MYSM1: variants seen among roughly 807,000 people sequenced by gnomAD.
The protein encoded by MYSM1 is deubiquitinase MYSM1.
Under a neutral mutation model 116.0 loss-of-function variants are expected in MYSM1, and 51 were observed. That is an observed-to-expected ratio of 0.44 (90% CI 0.35 to 0.56). The LOEUF (loss-of-function observed/expected upper bound fraction) is 0.56, where lower values mean the gene tolerates loss of function less well. Ranked by LOEUF, MYSM1 falls within the 20% of genes least tolerant of loss-of-function variation. The probability of loss-of-function intolerance (pLI) is 0.00; values close to 1 mark genes in which losing one functional copy is unlikely to be tolerated. For synonymous variants in MYSM1, 313 were observed against 315.2 expected (o/e 0.99, Z 0.07); for missense variants, 900 against 974.9 (o/e 0.92, Z 1.02).
Position 58,656,498 on chromosome 1 carries a change from T to G in MYSM1, c.*3499A>C, listed in dbSNP as rs970382500. On this transcript the variant is annotated 3_prime_UTR_variant, in exon 20 of 20. Transcript: ENST00000472487. ...GTGGCACGAGTTTCAAAACTACAGA[T>G]TAGGGACTGACCAAAACAAAAATAT... 5 of 152,194 alleles carry G rather than the reference T, an allele frequency of 3.3e-5. No individual in the cohort carries two copies. The highest frequency in any genetic ancestry group is 1.2e-4 in the African/African-American group (5 of 41,434). The allele number at this position is 152,194 out of a possible 1,614,324, so 9.4% of individuals were successfully genotyped here. A position where few individuals can be genotyped will look rare whatever the true frequency, so the allele number is the denominator to read the frequency against.
intron 10 of MYSM1, among the ~76,000 whole-genome samples, chr1:58,674,128 C>T (rs1007867513): frequency 1.3e-5 from 2 of 151,956 alleles, no homozygotes; most frequent in Admixed American, 6.6e-5. Context: ...CCTCCCGGTT[C>T]GAGTGATTCT....
rs778420955 is a variant in MYSM1, at chr1:58,681,820, G to A, written c.1224C>T (p.Arg408=). 1.3e-6 allele frequency: 2 copies of A among 1,593,518 alleles called. No homozygotes were observed. Among genetic ancestry groups the A allele is most frequent in the African/African-American group, 1.4e-5 (1 of 73,390 alleles). Residue 408 remains arginine (R), a synonymous_variant, in exon 8 of 20, where the codon CGC becomes CGT. Coordinates refer to ENST00000472487, the MANE Select transcript of MYSM1 (RefSeq NM_001085487.3). ...FEGRQAKTPE[R]YLKIRNYILD... ...AAATATAATTTCTAATTTTCAAATA[G>A]CGTTCTGGTGTTTTAGCTTGGCGCC...
chr1:58,685,015 T>C (rs941793291), intron 7 of MYSM1, 138 bp downstream of exon 7: 34 of 511,140 alleles, frequency 6.7e-5, no homozygotes, highest in African/African-American at 6.3e-4. Context: ...CTCTGAGGTT[T>C]TGTATAGTAC....
intron 7 of MYSM1, 49 bp from the exon 8 acceptor site, chr1:58,682,594 T>A: frequency 6.8e-7 from 1 of 1,464,376 alleles, no homozygotes; most frequent in Non-Finnish European, 9.1e-7. Flanking sequence ...ATTTAAAAAT[T>A]TAATCACTGG....
chr1:58,695,290 GTAGTAAGGGAACTAAGCAAATACT>G, intron 1 of MYSM1, 83 bp from the exon 2 acceptor site: 2 of 833,480 alleles, frequency 2.4e-6, no homozygotes, highest in Admixed American at 4.1e-5. Flanking sequence ...AATCCAGCAG[GTAGTAAGGGAACTAAGCAAATACT>G]TAGTTCCCTT....
At chr1:58,668,852 C>A (rs1451003224) in intron 13 of MYSM1, 132 bp downstream of exon 13, 2 of 984,942 alleles carry the variant, frequency 2.0e-6, no homozygotes, top group East Asian at 5.2e-5. Context: ...AAAATTCCAG[C>A]AGGGAGAAAT....
intron 16 of MYSM1, among the ~76,000 whole-genome samples, chr1:58,666,022 A>C (rs1001130299): frequency 7.2e-4 from 109 of 151,982 alleles, no homozygotes; most frequent in Non-Finnish European, 1.3e-3. Context: ...CCACCACTGC[A>C]CTCTAGCCTG....
intron 8 of MYSM1, among the ~76,000 whole-genome samples, chr1:58,678,110 G>C (rs1644680802): frequency 6.6e-6 from 1 of 152,128 alleles, no homozygotes; most frequent in Non-Finnish European, 1.5e-5. Context: ...CTTTCAGGTA[G>C]CAATAGTGCT....
Position 58,671,928 on chromosome 1 carries a change from TTC to T in MYSM1, c.1601_1602del (p.Arg534LysfsTer10). 1 of 1,613,514 alleles carries T rather than the reference TTC, an allele frequency of 6.2e-7. No individual in the cohort carries two copies. Among genetic ancestry groups the T allele is most frequent in the Non-Finnish European group, 8.5e-7 (1 of 1,179,702 alleles). ...ACAGGTCTGCCTTTTTCCTCTTCTC[TTC>T]TTTTTGCCAACTCCTCAGCAGAGAG... ...EHLSAEELAK[R>X]REEEKGRPVK... On this transcript the variant is annotated frameshift_variant, in exon 12 of 20. Coordinates refer to ENST00000472487, the MANE Select transcript of MYSM1 (RefSeq NM_001085487.3). LOFTEE classifies it high-confidence loss of function.
chr1:58,659,595 T>G lies in MYSM1; in HGVS notation c.*402A>C, dbSNP rs1445433592. On this transcript the variant is annotated 3_prime_UTR_variant, in exon 20 of 20. Coordinates refer to ENST00000472487, the MANE Select transcript of MYSM1 (RefSeq NM_001085487.3). Reference sequence around the variant, plus strand: ...GCCATAAACAAATCTCAGCAGAATATATGGAAAGAATGGAAGTGCTTTTAA... The same window carrying G: ...GCCATAAACAAATCTCAGCAGAATAGATGGAAAGAATGGAAGTGCTTTTAA... 1 of 153,154 alleles carries G rather than the reference T, an allele frequency of 6.5e-6. No individual in the cohort carries two copies. Among genetic ancestry groups the G allele is most frequent in the Non-Finnish European group, 1.5e-5 (1 of 68,882 alleles). The allele number at this position is 153,154 out of a possible 1,614,324, so 9.5% of individuals were successfully genotyped here.
intron 2 of MYSM1, among the ~76,000 whole-genome samples, chr1:58,694,382 G>A (rs1216398374): frequency 1.3e-5 from 2 of 152,144 alleles, no homozygotes; most frequent in African/African-American, 4.8e-5. Context: ...CACCACTTTG[G>A]GAGGCTGAGG....
chr1:58,689,138 G>A (rs1644869155), intron 5 of MYSM1, 22 bp from the exon 6 acceptor site: 7 of 1,570,894 alleles, frequency 4.5e-6, no homozygotes, highest in Non-Finnish European at 6.0e-6. Flanking sequence ...AAAAGGAATT[G>A]CAAAAAAAAT....
chr1:58,678,718 G>A (rs1644692553), intron 8 of MYSM1, among the ~76,000 whole-genome samples: 1 of 152,184 alleles, frequency 6.6e-6, no homozygotes, highest in Non-Finnish European at 1.5e-5. Flanking sequence ...GAGAATGAAA[G>A]GGAGGAGATA....
At chr1:58,678,224 A>G (rs113195690) in intron 8 of MYSM1, among the ~76,000 whole-genome samples, 3 of 152,312 alleles carry the variant, frequency 2.0e-5, no homozygotes, top group African/African-American at 7.2e-5. Context: ...GAGGGTAAAA[A>G]TAATTTGTGA....
intron 2 of MYSM1, among the ~76,000 whole-genome samples, chr1:58,694,670 ATT>A (rs995846932): frequency 6.7e-6 from 1 of 148,150 alleles, no homozygotes; most frequent in African/African-American, 2.5e-5. Context: ...TGACAATCCC[ATT>A]TTTTTTTTCT....
chr1:58,692,664 A>T (rs982792717), intron 3 of MYSM1, 197 bp downstream of exon 3: 35 of 445,548 alleles, frequency 7.9e-5, no homozygotes, highest in Middle Eastern at 5.9e-4. Flanking sequence ...ATGCAATCAG[A>T]TCTCAGATGT....
intron 4 of MYSM1, 26 bp downstream of exon 4, chr1:58,690,314 T>C (rs753936389): frequency 1.9e-6 from 3 of 1,589,576 alleles, no homozygotes; most frequent in South Asian, 1.2e-5. Flanking sequence ...ATCCAGACTT[T>C]TAGAAATATT....
intron 12 of MYSM1, among the ~76,000 whole-genome samples, chr1:58,669,371 G>T (rs1644521922): frequency 6.6e-6 from 1 of 152,038 alleles, no homozygotes. Context: ...ACTGTCATGA[G>T]ACCCAAAAAA....
At chr1:58,694,696 T>C (rs1644949401) in intron 2 of MYSM1, among the ~76,000 whole-genome samples, 1 of 150,542 alleles carries the variant, frequency 6.6e-6, no homozygotes, top group African/African-American at 2.4e-5. Context: ...TGAGACCGGG[T>C]CTCATTCTGT....
Sources: gnomAD v4.1 joint callset for allele counts (sites outside exome capture counted in the v4.1 genomes callset) on GRCh38, gnomAD v4.1.1 for gene constraint, MANE v1.5 for transcripts, NCBI Gene and HGNC (gene_info 2026-07-23, HGNC 2026-07-21) for gene names.